The following CSPP1 variants were observed in gnomAD, a reference collection of about 807,000 sequenced individuals.
The protein encoded by CSPP1 is centrosome and spindle pole-associated protein 1.
In CSPP1, 126 loss-of-function variants were observed where a neutral mutation model predicts 164.4. The observed-to-expected ratio is 0.77, with a 90% CI of 0.66 to 0.89. CSPP1 has a LOEUF of 0.89. Ranked by LOEUF, CSPP1 falls within the 40% of genes least tolerant of loss-of-function variation. The pLI is 0.00. For missense variants in CSPP1, 1,395 were observed against 1,449.8 expected (o/e 0.96, Z 0.61); for synonymous variants, 472 against 476.7 (o/e 0.99, Z 0.13).
intron 6 of CSPP1, among the ~76,000 whole-genome samples, chr8:67,094,121 A>AC (rs2129545171): frequency 7.3e-6 from 1 of 136,302 alleles, no homozygotes; most frequent in Non-Finnish European, 1.5e-5. Context: ...CCTGGTCTGA[A>AC]AAAAAAAAAA....
chr8:67,195,701 C>T lies in CSPP1; in HGVS notation c.*108C>T, dbSNP rs1425170668. Reference sequence around the variant, plus strand: ...CCCCTACCTGAAAGTTACTTTTTTTCCATCATCTGTATATAAAATTATTTT... The same window carrying T: ...CCCCTACCTGAAAGTTACTTTTTTTTCATCATCTGTATATAAAATTATTTT... On this transcript the variant is annotated 3_prime_UTR_variant, in exon 31 of 31. Coordinates refer to ENST00000678616, the MANE Select transcript of CSPP1 (RefSeq NM_001382391.1). The T allele has an allele frequency of 1.3e-6, 1 of 781,244 alleles. No individual in the cohort carries two copies. The highest frequency in any genetic ancestry group is 2.1e-6 in the Non-Finnish European group (1 of 477,938). The allele number at this position is 781,244 out of a possible 1,614,324, so 48.4% of individuals were successfully genotyped here. A position where few individuals can be genotyped will look rare whatever the true frequency, so the allele number is the denominator to read the frequency against.
chr8:67,162,326 A>G (rs1377710784), intron 22 of CSPP1, among the ~76,000 whole-genome samples: 1 of 152,220 alleles, frequency 6.6e-6, no homozygotes, highest in Non-Finnish European at 1.5e-5. Flanking sequence ...AGCTCATGGC[A>G]CATGTGGAGA....
rs763959523 is a variant in CSPP1 at position 67,095,570 on chromosome 8, G to A, written c.761G>A (p.Gly254Asp). ...LKHQRFASKA[G>D]IPDRRFHRFN... ...CATCAAAGGTTTGCAAGCAAGGCTG[G>A]CATTCCAGATAGAAGATTTCACAGA... The change falls in exon 7 of 31, where the codon GGC (glycine) becomes GAC (aspartate). Residue 254 changes from glycine (G) to aspartate (D), a missense_variant. By Grantham distance (94) the Gly-to-Asp change is moderately conservative (BLOSUM62 -1). Coordinates refer to ENST00000678616, the MANE Select transcript of CSPP1 (RefSeq NM_001382391.1). 5.6e-6 allele frequency: 9 copies of A among 1,613,926 alleles called. No homozygotes were observed. In the African/African-American group the frequency reaches 1.1e-4, roughly 19 times the overall value.
At chr8:67,116,911 T>G (rs1818041104) in intron 13 of CSPP1, among the ~76,000 whole-genome samples, 1 of 152,186 alleles carries the variant, frequency 6.6e-6, no homozygotes, top group Non-Finnish European at 1.5e-5. Context: ...ACTGTGGAAG[T>G]GTGTTTACTA....
At chr8:67,064,580 G>C in intron 1 of CSPP1, 42 bp downstream of exon 1, 1 of 1,526,844 alleles carries the variant, frequency 6.5e-7, no homozygotes, top group Non-Finnish European at 8.8e-7. Context: ...GAGGGTCCTG[G>C]GGCTGCATTC....
At position 67,196,415 on chromosome 8, in the gene CSPP1, C is replaced by CAGTA. The variant is rs1353766728; in HGVS notation, c.*826_*829dup. ...AGTCCATGTGAGTTTTCTAATCACT[C>CAGTA]AGTAAGTGATACTTCTAAAAAAGGA... is the stretch of plus-strand genomic sequence containing the variant. On this transcript the variant is annotated 3_prime_UTR_variant, in exon 31 of 31. Transcript: ENST00000678616. Among the ~76,000 whole-genome samples the CAGTA allele has an allele frequency of 6.6e-6, 1 of 152,104 alleles. No homozygotes were observed. Among genetic ancestry groups the CAGTA allele is most frequent in the African/African-American group, 2.4e-5 (1 of 41,408 alleles).
chr8:67,098,910 AAG>A (rs1160561285), intron 7 of CSPP1, among the ~76,000 whole-genome samples: 1 of 151,988 alleles, frequency 6.6e-6, no homozygotes, highest in East Asian at 1.9e-4. Flanking sequence ...ATGGAAAACA[AAG>A]AGAAAAATGA....
intron 18 of CSPP1, 90 bp downstream of exon 18, chr8:67,150,025 G>A: frequency 7.7e-7 from 1 of 1,303,886 alleles, no homozygotes; most frequent in South Asian, 1.9e-5. Context: ...GTTCTTATTG[G>A]GATCTTGAGA....
At chr8:67,183,383 G>T (rs1321710748) in intron 28 of CSPP1, among the ~76,000 whole-genome samples, 1 of 152,198 alleles carries the variant, frequency 6.6e-6, no homozygotes, top group Non-Finnish European at 1.5e-5. Flanking sequence ...CACCAGGACA[G>T]ATTACAATCT....
intron 19 of CSPP1, among the ~76,000 whole-genome samples, chr8:67,156,079 C>T (rs1212315735): frequency 6.6e-6 from 1 of 152,138 alleles, no homozygotes; most frequent in Non-Finnish European, 1.5e-5. Flanking sequence ...TAATGCTTAG[C>T]AGTTCTTATC....
At position 67,114,369 on chromosome 8, in the gene CSPP1, AG is replaced by A. The variant is rs1215653254; in HGVS notation, c.1287+1del. Reference sequence around the variant, plus strand: ...ACATCATTGCAGTTAAGTAAGGAGGAGGTAATTTATTGTTTTTACCACAATT... The same window carrying A: ...ACATCATTGCAGTTAAGTAAGGAGGAGTAATTTATTGTTTTTACCACAATT... Reference protein sequence around the residue: ...LLTSLQLSKEEPDRLKQFSVA... With the variant: ...LLTSLQLSKEXPDRLKQFSVA... On this transcript the variant is annotated frameshift_variant and splice_region_variant, in exon 12 of 31. Coordinates refer to ENST00000678616, the MANE Select transcript of CSPP1 (RefSeq NM_001382391.1). LOFTEE classifies it high-confidence loss of function. 6.6e-6 allele frequency: 1 copy of A among 152,626 alleles called. No homozygotes were observed. The highest frequency in any genetic ancestry group is 2.4e-5 in the African/African-American group (1 of 41,452). The allele number at this position is 152,626 out of a possible 1,614,324, so 9.5% of individuals were successfully genotyped here.
At chr8:67,083,548 A>AAAAATATATATATATATAT (rs1332248754) in intron 3 of CSPP1, 2 of 91,484 alleles carry the variant, frequency 2.2e-5, no homozygotes, top group African/African-American at 8.9e-5. Flanking sequence ...AAAAAAAAAA[A>AAAAATATATATATATATAT]ATATATATAT....
intron 17 of CSPP1, among the ~76,000 whole-genome samples, chr8:67,138,735 T>C (rs1822877490): frequency 6.6e-6 from 1 of 152,234 alleles, no homozygotes. Context: ...TCCCATTCTG[T>C]AGGTTGCCTG....
At chr8:67,166,386 T>C in intron 24 of CSPP1, among the ~76,000 whole-genome samples, 1 of 152,264 alleles carries the variant, frequency 6.6e-6, no homozygotes, top group East Asian at 1.9e-4. Context: ...ATATTAAGTT[T>C]ATGCTGATGT....
intron 15 of CSPP1, among the ~76,000 whole-genome samples, chr8:67,124,795 C>T (rs1238944475): frequency 2.6e-5 from 4 of 152,158 alleles, no homozygotes; most frequent in Non-Finnish European, 5.9e-5. Flanking sequence ...GATCCTCCCA[C>T]CTCAGGCTCC....
At chr8:67,130,917 G>A (rs1283528747) in intron 15 of CSPP1, among the ~76,000 whole-genome samples, 1 of 152,156 alleles carries the variant, frequency 6.6e-6, no homozygotes. Flanking sequence ...AAACCCGGGA[G>A]GCGGATGTTG....
At chr8:67,072,120 C>T (rs1039850751) in intron 1 of CSPP1, among the ~76,000 whole-genome samples, 1 of 151,782 alleles carries the variant, frequency 6.6e-6, no homozygotes, top group Non-Finnish European at 1.5e-5. Flanking sequence ...GGTGAAATCC[C>T]GTCTCTACAA....
chr8:67,095,239 T>C, intron 6 of CSPP1, 54 bp from the exon 7 acceptor site: 1 of 1,166,108 alleles, frequency 8.6e-7, no homozygotes, highest in Non-Finnish European at 1.2e-6. Flanking sequence ...AATTACCTTA[T>C]AAGAGATAGT....
At chr8:67,166,519 A>C (rs1829332392) in intron 24 of CSPP1, among the ~76,000 whole-genome samples, 1 of 152,180 alleles carries the variant, frequency 6.6e-6, no homozygotes, top group Non-Finnish European at 1.5e-5. Context: ...AAGGTGAGGA[A>C]ATTTCAAGGT....
Sources: allele counts gnomAD v4.1 joint callset (sites outside exome capture counted in the v4.1 genomes callset), GRCh38; gene constraint gnomAD v4.1.1; transcripts MANE v1.5; gene names NCBI Gene and HGNC (gene_info 2026-07-23, HGNC 2026-07-21).